The following TTN variants were observed in gnomAD, a reference collection of about 807,000 sequenced individuals.
The protein encoded by TTN is connectin.
Under a neutral mutation model 3,223.0 loss-of-function variants are expected in TTN, and 1,525 were observed. The observed-to-expected ratio is 0.47, with a 90% CI of 0.45 to 0.49. The LOEUF is 0.49. TTN is among the 20% of genes least tolerant of loss of function. The pLI is 0.00. For missense variants in TTN, 40,786 were observed against 43,424.0 expected, an observed-to-expected ratio of 0.94 and a Z score of 5.40; for synonymous variants, 14,094 against 15,161.0, an observed-to-expected ratio of 0.93 and a Z score of 5.17.
Position 178,734,904 on chromosome 2 carries a change from C to A in TTN, c.15020G>T (p.Gly5007Val). ...ESARLHCKLK[G>V]SPVIQVTWFK... Reference sequence around the variant, plus strand: ...CCAAGTAACCTGGATCACAGGTGAGCCTTTCAGCTTGCAATGGAGGCGTGC... The same window carrying A: ...CCAAGTAACCTGGATCACAGGTGAGACTTTCAGCTTGCAATGGAGGCGTGC... The change falls in exon 51 of 363, where the codon GGC becomes GTC. Residue 5007 changes from glycine to valine, a missense_variant. Gly to Val is a moderately radical substitution (Grantham distance 109, BLOSUM62 -3). Transcript: ENST00000589042. The A allele has an allele frequency of 2.5e-6, 4 of 1,613,062 alleles. No homozygotes were observed. Among genetic ancestry groups the A allele is most frequent in the East Asian group, 2.2e-5 (1 of 44,732 alleles).
Position 178,533,051 on chromosome 2 carries a change from C to T in TTN, c.103564G>A (p.Glu34522Lys), listed in dbSNP as rs1689887445. The stretch of plus-strand genomic sequence containing the variant: ...TTTTCTTCTATCTCAAGTCTGAATT[C>T]CCCTTTTACAGTCTTGGTGCTTACA... ...PAVSTKTVKGEFRLEIEEKKE... is the reference protein window; with the variant it reads ...PAVSTKTVKGKFRLEIEEKKE... The change falls in exon 358 of 363, where the codon GAA (glutamate) becomes AAA (lysine). Residue 34522 changes from glutamate (E) to lysine (K), a missense_variant. Coordinates refer to ENST00000589042, the MANE Select transcript of TTN (RefSeq NM_001267550.2). The T allele has an allele frequency of 6.2e-7, 1 of 1,613,944 alleles. No individual in the cohort carries two copies.
chr2:178,567,973 C>G lies in TTN; in HGVS notation c.78159G>C (p.Gln26053His), dbSNP rs1475071129. The G allele has an allele frequency of 6.2e-7, 1 of 1,613,396 alleles. No individual in the cohort carries two copies. Among genetic ancestry groups the G allele is most frequent in the Non-Finnish European group, 8.5e-7 (1 of 1,179,612 alleles). Residue 26053 changes from glutamine to histidine, a missense_variant, in exon 326 of 363, where the codon CAG (glutamine) becomes CAC (histidine). Physicochemically the swap from Gln to His is conservative, Grantham distance 24. Coordinates refer to ENST00000589042, the MANE Select transcript of TTN (RefSeq NM_001267550.2). Reference sequence around the variant, plus strand: ...CATATTCAATGCCTTCTTCAAGATTCTGTGCTTTGAATTGGGTGTCATGAA... The same window carrying G: ...CATATTCAATGCCTTCTTCAAGATTGTGTGCTTTGAATTGGGTGTCATGAA... ...TIIHDTQFKA[Q>H]NLEEGIEYEF... is the part of the protein sequence containing the mutation.
rs1577315908 is a variant in TTN at position 178,679,346 on chromosome 2, T to G, written c.33735A>C (p.Pro11245=). ...VLIPKKEKPP[P]AKVPEVPKKP... is the part of the protein sequence containing the mutation. ...TGGATTATAAGGATGTACCTTTTGC[T>G]GGCGGAGGCTTCTCCTTTTTAGGAA... Residue 11245 remains proline (P), a synonymous_variant, in exon 142 of 363, where the codon CCA becomes CCC. Transcript: ENST00000589042. 6.2e-7 allele frequency: 1 copy of G among 1,612,540 alleles called. No homozygotes were observed.
chr2:178,731,836 C>T lies in TTN; in HGVS notation c.17039G>A (p.Gly5680Asp). 6.2e-7 allele frequency: 1 copy of T among 1,613,800 alleles called. No homozygotes were observed. The highest frequency in any genetic ancestry group is 1.3e-5 in the African/African-American group (1 of 75,016). The change falls in exon 58 of 363, where the codon GGT becomes GAT. Residue 5680 changes from glycine to aspartate, a missense_variant. By Grantham distance (94) the Gly-to-Asp change is moderately conservative (BLOSUM62 -1). Coordinates refer to ENST00000589042, the MANE Select transcript of TTN (RefSeq NM_001267550.2). ...WFKDNTILRS[G>D]RKYKTFIQDH... is the part of the protein sequence containing the mutation. ...CTGAATGAAAGTCTTATACTTTCTA[C>T]CACTTCGCAGGATTGTGTTATCTTT...
chr2:178,642,392 C>G (rs1300235290), intron 218 of TTN, 75 bp from the exon 219 acceptor site: 6 of 1,323,746 alleles, frequency 4.5e-6, no homozygotes, highest in Non-Finnish European at 6.3e-6. Flanking sequence ...AATGTCTCTC[C>G]TAAAACTAGT....
Position 178,619,681 on chromosome 2 carries a change from G to C in TTN, c.46636C>G (p.Gln15546Glu). 1 of 1,612,176 alleles carries C rather than the reference G, an allele frequency of 6.2e-7. No homozygotes were observed. Among genetic ancestry groups the C allele is most frequent in the Non-Finnish European group, 8.5e-7 (1 of 1,178,848 alleles). The change falls in exon 250 of 363, where the codon CAG becomes GAG. Residue 15546 changes from glutamine (Q) to glutamate (E), a missense_variant. Physicochemically the swap from Gln to Glu is conservative, Grantham distance 29. Coordinates refer to ENST00000589042, the MANE Select transcript of TTN (RefSeq NM_001267550.2). Reference sequence around the variant, plus strand: ...TTGGCAATAAATCTGTATTCACCCTGGTCACGGGGCTTAATATCACAAATC... The same window carrying C: ...TTGGCAATAAATCTGTATTCACCCTCGTCACGGGGCTTAATATCACAAATC... ...LQICDIKPRDQGEYRFIAKDK... is the reference protein window; with the variant it reads ...LQICDIKPRDEGEYRFIAKDK...
At chr2:178,646,741 T>G (rs2062064180) in intron 215 of TTN, among the ~76,000 whole-genome samples, 182 bp from the exon 216 acceptor site, 1 of 152,028 alleles carries the variant, frequency 6.6e-6, no homozygotes, top group Non-Finnish European at 1.5e-5. Context: ...TGCCTATTAA[T>G]TAGATTATTC....
chr2:178,583,962 C>A, intron 311 of TTN, 56 bp from the exon 312 acceptor site: 2 of 1,426,408 alleles, frequency 1.4e-6, no homozygotes, highest in Non-Finnish European at 1.9e-6. Flanking sequence ...GTTTAAACTT[C>A]CATATTTCAC....
At position 178,802,268 on chromosome 2, in the gene TTN, C is replaced by G. The variant is rs1561527314; in HGVS notation, c.165G>C (p.Gln55His). The stretch of plus-strand genomic sequence containing the variant: ...TAGCGCGGCCATCGCTAAAGGAGAT[C>G]TGCACGCCGGGCAGAGTGGAAGTGG... ...VISTSTLPGV[Q>H]ISFSDGRAKL... is the part of the protein sequence containing the mutation. Residue 55 changes from glutamine (Q) to histidine (H), a missense_variant, in exon 3 of 363, where the codon CAG becomes CAC. Coordinates refer to ENST00000589042, the MANE Select transcript of TTN (RefSeq NM_001267550.2). The G allele has an allele frequency of 1.2e-6, 2 of 1,614,160 alleles. No homozygotes were observed. The highest frequency in any genetic ancestry group is 1.7e-6 in the Non-Finnish European group (2 of 1,180,004).
chr2:178,652,106 A>G lies in TTN; in HGVS notation c.39285T>C (p.Pro13095=). ...PEAIPPKPES[P]PPEVFEEPEE... ...TAGTTTCATTATTACCTTCAGGGGG[A>G]GGACTTTCCGGTTTGGGAGGAATAG... is the stretch of plus-strand genomic sequence containing the variant. Residue 13095 remains proline, a synonymous_variant, in exon 204 of 363, where the codon CCT becomes CCC. Transcript: ENST00000589042. 2 of 1,612,964 alleles carry G rather than the reference A, an allele frequency of 1.2e-6. No individual in the cohort carries two copies. The highest frequency in any genetic ancestry group is 4.5e-5 in the East Asian group (2 of 44,836).
Position 178,725,778 on chromosome 2 carries a change from T to C in TTN, c.20544A>G (p.Val6848=). The change falls in exon 70 of 363, where the codon GTA becomes GTG. Residue 6848 remains valine, a synonymous_variant. Coordinates refer to ENST00000589042, the MANE Select transcript of TTN (RefSeq NM_001267550.2). ...ATGAACTATATTTACCTTTCAATTT[T>C]ACAGTACAAACACAAGTATCACTTC... is the stretch of plus-strand genomic sequence containing the variant. ...EVGSDTCVCT[V]KLKEPPRFVS... 1 of 1,590,966 alleles carries C rather than the reference T, an allele frequency of 6.3e-7. No homozygotes were observed. The highest frequency in any genetic ancestry group is 8.6e-7 in the Non-Finnish European group (1 of 1,167,088).
rs1278975928 is a variant in TTN, at chr2:178,733,312, G to A, written c.15981C>T (p.Asp5327=). 2 of 1,613,680 alleles carry A rather than the reference G, an allele frequency of 1.2e-6. No homozygotes were observed. The highest frequency in any genetic ancestry group is 1.3e-5 in the African/African-American group (1 of 74,932). ...QLKFYSAELH[D]SGQYTFEISN... ...AAATCTCAAATGTGTATTGGCCACT[G>A]TCGTGCAGCTCAGCTGAATAAAATT... The change falls in exon 54 of 363, where the codon GAC becomes GAT. Residue 5327 remains aspartate (D), a synonymous_variant. Transcript: ENST00000589042.
In TTN at chr2:178,706,761, T is replaced by C; in HGVS notation, c.29135-22A>G. 6 of 1,597,876 alleles carry C rather than the reference T, an allele frequency of 3.8e-6. No individual in the cohort carries two copies. In the South Asian group the frequency reaches 6.9e-5, roughly 18 times the overall value. On this transcript the variant is annotated intron_variant, in intron 101 of 362. Coordinates refer to ENST00000589042, the MANE Select transcript of TTN (RefSeq NM_001267550.2). Reference sequence around the variant, plus strand: ...GTTTCTAAGGAATAATGAAAACAAGTGAATAAAAATTTAATTTTCTAAAAT... The same window carrying C: ...GTTTCTAAGGAATAATGAAAACAAGCGAATAAAAATTTAATTTTCTAAAAT...
chr2:178,573,762 C>A lies in TTN; in HGVS notation c.72370G>T (p.Gly24124Cys). Residue 24124 changes from glycine (G) to cysteine (C), a missense_variant, in exon 326 of 363, where the codon GGC becomes TGC. Gly to Cys is a radical substitution (Grantham distance 159). Coordinates refer to ENST00000589042, the MANE Select transcript of TTN (RefSeq NM_001267550.2). ...IFNVKVLDRP[G>C]PPEGPLAVTE... Reference sequence around the variant, plus strand: ...ACAGCCAAAGGTCCTTCAGGTGGGCCTGGTCTGTCAAGAACTTTGACATTG... The same window carrying A: ...ACAGCCAAAGGTCCTTCAGGTGGGCATGGTCTGTCAAGAACTTTGACATTG... The A allele has an allele frequency of 6.3e-7, 1 of 1,598,280 alleles. No homozygotes were observed. Among genetic ancestry groups the A allele is most frequent in the Non-Finnish European group, 8.5e-7 (1 of 1,171,990 alleles).
chr2:178,629,350 A>G lies in TTN; in HGVS notation c.44375T>C (p.Ile14792Thr), dbSNP rs747654057. ...CCCTTTGAGATACCATTCCACTGGG[A>G]TATCTTCGTAGGAGAGCTCGCAGTC... Reference protein sequence around the residue: ...TFDCELSYEDIPVEWYLKGKK... With the variant: ...TFDCELSYEDTPVEWYLKGKK... The change falls in exon 240 of 363, where the codon ATC (isoleucine) becomes ACC (threonine). Residue 14792 changes from isoleucine (I) to threonine (T), a missense_variant. By Grantham distance (89) the Ile-to-Thr change is moderately conservative. Coordinates refer to ENST00000589042, the MANE Select transcript of TTN (RefSeq NM_001267550.2). 6.8e-6 allele frequency: 11 copies of G among 1,612,784 alleles called. No homozygotes were observed. In the African/African-American group the frequency reaches 1.3e-4, roughly 20 times the overall value.
intron 6 of TTN, 74 bp downstream of exon 6, chr2:178,799,413 A>C: frequency 6.2e-7 from 1 of 1,609,224 alleles, no homozygotes; most frequent in Non-Finnish European, 8.5e-7. Flanking sequence ...TGCGAGGGGG[A>C]CAAGGGAATC....
chr2:178,682,808 A>G lies in TTN; in HGVS notation c.32983T>C (p.Tyr10995His), dbSNP rs2069782782. The G allele has an allele frequency of 6.2e-7, 1 of 1,612,362 alleles. No individual in the cohort carries two copies. The highest frequency in any genetic ancestry group is 1.7e-4 in the Middle Eastern group (1 of 6,042). ...REEEYEEYEE[Y>H]DYKEFEEYEP... ...TACTCCTCAAATTCTTTATAATCAT[A>G]TTCTTCATATTCCTCATATTCTTCT... Residue 10995 changes from tyrosine (Y) to histidine (H), a missense_variant, in exon 135 of 363, where the codon TAT (tyrosine) becomes CAT (histidine). Transcript: ENST00000589042.
At position 178,612,589 on chromosome 2, in the gene TTN, G is replaced by T; in HGVS notation, c.49949-13C>A. 6.3e-7 allele frequency: 1 copy of T among 1,586,508 alleles called. No homozygotes were observed. On this transcript the variant is annotated splice_polypyrimidine_tract_variant and intron_variant, in intron 265 of 362. Transcript: ENST00000589042. ...GGTGATGGAGGATCTGAAAAAGAAG[G>T]AAGGAAAACAAATTCATTTTTTTTT...
At position 178,748,357 on chromosome 2, in the gene TTN, C is replaced by T. The variant is rs756218470; in HGVS notation, c.11311+4767G>A. ...TCTCCACCATAGTTCTATTTGAAAG[C>T]TCTTGACTGGAAGAAATTTCTTGAC... On this transcript the variant is annotated intron_variant, in intron 47 of 362. Coordinates refer to ENST00000589042, the MANE Select transcript of TTN (RefSeq NM_001267550.2). 3.2e-5 allele frequency: 52 copies of T among 1,613,166 alleles called. No individual in the cohort carries two copies. In the Admixed American group the frequency reaches 8.0e-4, roughly 25 times the overall value.
Sources: gnomAD v4.1 joint callset for allele counts (sites outside exome capture counted in the v4.1 genomes callset) on GRCh38, gnomAD v4.1.1 for gene constraint, MANE v1.5 for transcripts, NCBI Gene and HGNC (gene_info 2026-07-23, HGNC 2026-07-21) for gene names.